The following CHD7 variants were observed in gnomAD, a reference collection of about 807,000 sequenced individuals.
CHD7 encodes chromodomain helicase DNA binding protein 7.
CHD7 carries 24 observed loss-of-function variants against 307.3 expected under a neutral mutation model. The observed-to-expected ratio is 0.08, with a 90% CI of 0.06 to 0.11. The LOEUF is 0.11. Among genes scored for constraint, CHD7 ranks in the 10% least tolerant of loss-of-function variants. CHD7 has a pLI of 1.00. For missense variants in CHD7, 3,106 were observed against 3,727.1 expected (o/e 0.83, Z 4.34); for synonymous variants, 1,363 against 1,349.9 (o/e 1.01, Z -0.21).
At chr8:60,754,695 A>G (rs1285287539) in intron 2 of CHD7, among the ~76,000 whole-genome samples, 1 of 152,210 alleles carries the variant, frequency 6.6e-6, no homozygotes, top group Non-Finnish European at 1.5e-5. Flanking sequence ...TATATAAAAT[A>G]CTAGCTGCTT....
intron 6 of CHD7, among the ~76,000 whole-genome samples, chr8:60,802,137 T>C (rs1812341613): frequency 6.6e-6 from 1 of 152,246 alleles, no homozygotes; most frequent in African/African-American, 2.4e-5. Flanking sequence ...ACTTCAGAGT[T>C]ATTCAAAGTT....
rs1426410001 is a variant in CHD7 at position 60,856,898 on chromosome 8, G to A, written c.7608+10G>A. 6.5e-7 allele frequency: 1 copy of A among 1,530,828 alleles called. No individual in the cohort carries two copies. Among genetic ancestry groups the A allele is most frequent in the South Asian group, 1.3e-5 (1 of 76,004 alleles). 94.8% of individuals were successfully genotyped at this position (1,530,828 alleles called of 1,614,324 possible). A position where few individuals can be genotyped will look rare whatever the true frequency, so the allele number is the denominator to read the frequency against. On this transcript the variant is annotated intron_variant, in intron 34 of 37. Coordinates refer to ENST00000423902, the MANE Select transcript of CHD7 (RefSeq NM_017780.4). ...GACGTCATTGAGTGCAGTAAGTTGG[G>A]GAGCTTGCCTGCATGGCGATTGCAC...
intron 2 of CHD7, among the ~76,000 whole-genome samples, chr8:60,749,460 C>G (rs1045477877): frequency 6.0e-5 from 9 of 149,134 alleles, no homozygotes; most frequent in Admixed American, 4.0e-4. Flanking sequence ...AAAAAGGTGG[C>G]TGTGTTTCTT....
At position 60,807,031 on chromosome 8, in the gene CHD7, A is replaced by G. The variant is rs187749326; in HGVS notation, c.2443-1186A>G. ...CAAAGCAAATCCTATCTCAGAAAAG[A>G]AAGAAAAAAAATTAGGTTTAACTGT... On this transcript the variant is annotated intron_variant, in intron 6 of 37. Coordinates refer to ENST00000423902, the MANE Select transcript of CHD7 (RefSeq NM_017780.4). Among the ~76,000 whole-genome samples the G allele has an allele frequency of 9.7e-4, 147 of 152,318 alleles. 1 individual carries two copies. Among genetic ancestry groups the G allele is most frequent in the Admixed American group, 2.4e-3 (37 of 15,306 alleles).
Position 60,865,794 on chromosome 8 carries a change from C to T in CHD7, c.8855C>T (p.Thr2952Ile). 2 of 1,614,000 alleles carry T rather than the reference C, an allele frequency of 1.2e-6. No individual in the cohort carries two copies. The highest frequency in any genetic ancestry group is 1.7e-6 in the Non-Finnish European group (2 of 1,179,894). Reference sequence around the variant, plus strand: ...GGAGGACCCTTTAAAGATGGAGAGACCCTTGAAGGCAGCGATGCCGAGGAG... The same window carrying T: ...GGAGGACCCTTTAAAGATGGAGAGATCCTTGAAGGCAGCGATGCCGAGGAG... ...AEGGPFKDGE[T>I]LEGSDAEESL... Residue 2952 changes from threonine to isoleucine, a missense_variant, in exon 38 of 38, where the codon ACC (threonine) becomes ATC (isoleucine). Thr to Ile is a moderately conservative substitution (Grantham distance 89, BLOSUM62 -1). Transcript: ENST00000423902. This position sits in a 1 kb window ranked among gnomAD's most constrained non-coding sequence, Gnocchi z 4.3.
chr8:60,692,279 G>A (rs1254209721), intron 1 of CHD7, among the ~76,000 whole-genome samples: 1 of 152,190 alleles, frequency 6.6e-6, no homozygotes, highest in Non-Finnish European at 1.5e-5. Context: ...GACTGATTAA[G>A]CGTTTGAAAC....
intron 15 of CHD7, among the ~76,000 whole-genome samples, chr8:60,833,226 C>T (rs1367785206): frequency 6.6e-6 from 1 of 152,112 alleles, no homozygotes; most frequent in Admixed American, 6.5e-5. Context: ...AACACATTTC[C>T]AGGATTATGA....
chr8:60,788,012 G>C (rs1260172445), intron 3 of CHD7, among the ~76,000 whole-genome samples: 1 of 151,636 alleles, frequency 6.6e-6, no homozygotes, highest in Non-Finnish European at 1.5e-5. Context: ...AGTAGAGTTG[G>C]GGTTTCACCA....
chr8:60,732,134 G>A (rs1586231926), intron 1 of CHD7, among the ~76,000 whole-genome samples: 1 of 152,166 alleles, frequency 6.6e-6, no homozygotes, highest in Non-Finnish European at 1.5e-5. Flanking sequence ...TGTCAGTGGT[G>A]TATATCAGAA....
chr8:60,797,563 C>G lies in CHD7; in HGVS notation c.2238+2436C>G, dbSNP rs755800932. ...ACCCTATCCAGTTACTTATATGGCA[C>G]AACACTGTGACAGTGGGGTCTTAAG... On this transcript the variant is annotated intron_variant, in intron 4 of 37. Transcript: ENST00000423902. Among the ~76,000 whole-genome samples, 49 of 152,132 alleles carry G rather than the reference C, an allele frequency of 3.2e-4. 1 individual carries two copies. Among genetic ancestry groups the G allele is most frequent in the Admixed American group, 1.3e-4 (2 of 15,280 alleles).
intron 2 of CHD7, among the ~76,000 whole-genome samples, chr8:60,760,705 A>G (rs1810146970): frequency 6.6e-6 from 1 of 151,554 alleles, no homozygotes; most frequent in Admixed American, 6.6e-5. Flanking sequence ...ACACTTCTCA[A>G]AAGAAGACAT....
intron 1 of CHD7, among the ~76,000 whole-genome samples, chr8:60,718,193 G>C (rs56282500): frequency 9.5e-4 from 144 of 152,300 alleles, no homozygotes; most frequent in African/African-American, 3.3e-3. Flanking sequence ...AAGAAAGTTT[G>C]AAGTTGGTCG....
chr8:60,793,410 A>G (rs977177082), intron 3 of CHD7, among the ~76,000 whole-genome samples: 1 of 152,184 alleles, frequency 6.6e-6, no homozygotes, highest in Non-Finnish European at 1.5e-5. Context: ...GCTATTTACT[A>G]TGCTAAAATG....
In CHD7 at chr8:60,842,031, A is replaced by G. The variant is rs1804997995; in HGVS notation, c.4829A>G (p.Glu1610Gly). The change falls in exon 21 of 38, where the codon GAG becomes GGG. Residue 1610 changes from glutamate to glycine, a missense_variant. Physicochemically the swap from Glu to Gly is moderately conservative, Grantham distance 98 (BLOSUM62 -2). Transcript: ENST00000423902. ...GYARSECFRV[E>G]KNLLVYGWGR... ...GCAAGGAGTGAATGTTTCAGGGTGG[A>G]GAAGAATCTGCTTGTCTATGGGTAA... The G allele has an allele frequency of 1.2e-6, 2 of 1,613,310 alleles. No homozygotes were observed. Among genetic ancestry groups the G allele is most frequent in the African/African-American group, 1.3e-5 (1 of 74,932 alleles).
intron 2 of CHD7, among the ~76,000 whole-genome samples, chr8:60,749,902 A>G (rs889966159): frequency 1.3e-5 from 2 of 152,182 alleles, no homozygotes; most frequent in African/African-American, 2.4e-5. Context: ...TCTTTTGACT[A>G]CTTCAATTTA....
chr8:60,711,070 G>A (rs1322153186), intron 1 of CHD7, among the ~76,000 whole-genome samples: 1 of 152,200 alleles, frequency 6.6e-6, no homozygotes, highest in Admixed American at 6.5e-5. Flanking sequence ...TGGTGAGCGT[G>A]AGGCTGTGAT....
intron 1 of CHD7, among the ~76,000 whole-genome samples, chr8:60,724,757 C>CT (rs1808084843): frequency 6.6e-6 from 1 of 152,104 alleles, no homozygotes; most frequent in Admixed American, 6.5e-5. Flanking sequence ...CATCAATAAT[C>CT]TTTGAGAAGT....
intron 19 of CHD7, among the ~76,000 whole-genome samples, chr8:60,838,976 A>C (rs1028265035): frequency 6.6e-6 from 1 of 152,372 alleles, no homozygotes; most frequent in East Asian, 1.9e-4. Context: ...GTACAATTCA[A>C]TGCCTTTACC....
intron 1 of CHD7, among the ~76,000 whole-genome samples, chr8:60,710,417 C>G (rs539319033): frequency 2.1e-4 from 32 of 152,246 alleles, no homozygotes; most frequent in African/African-American, 7.5e-4. Context: ...AGCTTTGTCT[C>G]TGACTGTGGA....
Sources: allele counts gnomAD v4.1 joint callset (sites outside exome capture counted in the v4.1 genomes callset), GRCh38; gene constraint gnomAD v4.1.1; non-coding constraint Gnocchi (gnomAD v3.1); transcripts MANE v1.5; gene names NCBI Gene and HGNC (gene_info 2026-07-23, HGNC 2026-07-21).